Variants in DNAH7 observed in about 807,000 individuals in gnomAD.
The protein encoded by DNAH7 is axonemal beta dynein heavy chain 7.
A neutral mutation model predicts 444.6 loss-of-function variants in DNAH7; 397 were observed. The ratio of observed to expected loss-of-function variants is 0.89; its 90% CI spans 0.82 to 0.97. The LOEUF (loss-of-function observed/expected upper bound fraction) is 0.97, where lower values mean the gene tolerates loss of function less well. Ranked by LOEUF, DNAH7 falls within the 50% of genes least tolerant of loss-of-function variation. The pLI, the probability that DNAH7 is intolerant of heterozygous loss-of-function variation, is 0.00. For missense variants in DNAH7, 4,902 were observed against 4,800.8 expected, an observed-to-expected ratio of 1.02 and a Z score of -0.62; for synonymous variants, 1,636 against 1,624.4, an observed-to-expected ratio of 1.01 and a Z score of -0.17.
intron 40 of DNAH7, among the ~76,000 whole-genome samples, chr2:195,868,242 G>A (rs1037166188): frequency 6.6e-6 from 1 of 151,550 alleles, no homozygotes; most frequent in African/African-American, 2.4e-5. Flanking sequence ...GACTACAGGT[G>A]CCCGCCACCA....
chr2:195,844,856 G>T (rs1698892968), intron 47 of DNAH7, 146 bp downstream of exon 47: 1 of 624,388 alleles, frequency 1.6e-6, no homozygotes, highest in African/African-American at 1.8e-5. Context: ...ATAAGAGAAG[G>T]AAGTGATTAC....
rs146346592 is a variant in DNAH7 at position 195,781,853 on chromosome 2, G to A, written c.10879-3868C>T. On this transcript the variant is annotated intron_variant, in intron 58 of 64. Coordinates refer to ENST00000312428, the MANE Select transcript of DNAH7 (RefSeq NM_018897.3). ...TTTGAGAAAAAATTATGTGTGTATTGTGTTTATATATGTGTATCTATATAT... is the reference window on the plus strand; with the variant it reads ...TTTGAGAAAAAATTATGTGTGTATTATGTTTATATATGTGTATCTATATAT... Among the ~76,000 whole-genome samples, 828 of 152,130 alleles carry A rather than the reference G, an allele frequency of 5.4e-3. 23 individuals carry two copies. Among genetic ancestry groups the A allele is most frequent in the Admixed American group, 0.041 (623 of 15,276 alleles).
chr2:196,044,199 A>ATG (rs1219928976), intron 5 of DNAH7, among the ~76,000 whole-genome samples: 28 of 82,892 alleles, frequency 3.4e-4, no homozygotes, highest in East Asian at 1.8e-3. Context: ...TTATATATAT[A>ATG]TATATGTGTG....
At chr2:195,970,583 T>C (rs888129114) in intron 16 of DNAH7, among the ~76,000 whole-genome samples, 1 of 152,196 alleles carries the variant, frequency 6.6e-6, no homozygotes, top group African/African-American at 2.4e-5. Context: ...AGGTTATTTT[T>C]CTTGTCCAAT....
At chr2:195,833,888 G>A (rs1032354754) in intron 48 of DNAH7, among the ~76,000 whole-genome samples, 2 of 152,154 alleles carry the variant, frequency 1.3e-5, no homozygotes, top group African/African-American at 4.8e-5. Flanking sequence ...CTGAGTAGCT[G>A]GGATTACAGG....
In DNAH7 at chr2:195,857,574, A is replaced by G. The variant is rs1699783504; in HGVS notation, c.8217T>C (p.Ala2739=). 1 of 1,613,912 alleles carries G rather than the reference A, an allele frequency of 6.2e-7. No individual in the cohort carries two copies. Among genetic ancestry groups the G allele is most frequent in the South Asian group, 1.1e-5 (1 of 91,088 alleles). The change falls in exon 44 of 65, where the codon GCT becomes GCC. Residue 2739 remains alanine, a synonymous_variant. Coordinates refer to ENST00000312428, the MANE Select transcript of DNAH7 (RefSeq NM_018897.3). ...ACCTCATGTCACCAAGAAGTCTCTT[A>G]GCTGGGCCCCAGAAATCCTCAATTT... The part of the protein sequence containing the change: ...GKKIEDFWGP[A]KRLLGDMRFL...
chr2:195,975,817 G>A (rs1692151868), intron 15 of DNAH7, among the ~76,000 whole-genome samples: 1 of 152,186 alleles, frequency 6.6e-6, no homozygotes, highest in African/African-American at 2.4e-5. Context: ...TGGGCCAGAA[G>A]AAAACCCACT....
intron 15 of DNAH7, among the ~76,000 whole-genome samples, chr2:195,980,077 A>T (rs1000943281): frequency 6.6e-6 from 1 of 151,050 alleles, no homozygotes; most frequent in Admixed American, 6.6e-5. Flanking sequence ...AAAAAAAAAA[A>T]AAAAAAAAAC....
chr2:195,769,790 T>G (rs1694750723), intron 61 of DNAH7, among the ~76,000 whole-genome samples: 1 of 152,152 alleles, frequency 6.6e-6, no homozygotes, highest in Non-Finnish European at 1.5e-5. Context: ...CGAAAAATGC[T>G]CATCAGTACT....
chr2:195,891,899 C>A, intron 30 of DNAH7, 95 bp from the exon 31 acceptor site: 1 of 1,035,108 alleles, frequency 9.7e-7, no homozygotes. Context: ...AAGGAATCTA[C>A]AAAGAAAGTA....
At chr2:195,926,396 A>G (rs114374868) in intron 22 of DNAH7, 30 bp downstream of exon 22, 21 of 1,465,084 alleles carry the variant, frequency 1.4e-5, no homozygotes, top group Non-Finnish European at 1.8e-5. Flanking sequence ...AAAAATGCTT[A>G]AAAAAACCCG....
chr2:195,796,634 A>G lies in DNAH7; in HGVS notation c.10457T>C (p.Val3486Ala), dbSNP rs755938193. ...GGTGGCAAGGTGACAATTCTGAAGA[A>G]CAACCCATGTTCCTTCCTTGACAGC... ...EKAVKEGTWV[V>A]LQNCHLATSW... is the part of the protein sequence containing the mutation. The change falls in exon 56 of 65, where the codon GTT becomes GCT. Residue 3486 changes from valine to alanine, a missense_variant. Val to Ala is a moderately conservative substitution (Grantham distance 64, BLOSUM62 0). Transcript: ENST00000312428. 6 of 1,614,178 alleles carry G rather than the reference A, an allele frequency of 3.7e-6. No homozygotes were observed. In the Admixed American group the frequency reaches 1.0e-4, roughly 27 times the overall value.
intron 19 of DNAH7, among the ~76,000 whole-genome samples, chr2:195,955,311 G>A (rs1329842485): frequency 6.6e-6 from 1 of 152,076 alleles, no homozygotes; most frequent in South Asian, 2.1e-4. Context: ...TTTTTGTCAG[G>A]TTTGTCAAAG....
At chr2:195,778,667 T>G (rs13399941) in intron 58 of DNAH7, among the ~76,000 whole-genome samples, 1 of 69,618 alleles carries the variant, frequency 1.4e-5, no homozygotes, top group Non-Finnish European at 2.4e-5. Context: ...TATATATATA[T>G]ATACACACAC....
chr2:195,860,872 C>T (rs1699976402), intron 42 of DNAH7, among the ~76,000 whole-genome samples: 1 of 152,020 alleles, frequency 6.6e-6, no homozygotes, highest in Non-Finnish European at 1.5e-5. Context: ...AGTAAATTTA[C>T]ATTTGTGCTT....
intron 12 of DNAH7, chr2:195,994,214 T>C (rs959290824): frequency 2.3e-5 from 6 of 257,714 alleles, no homozygotes; most frequent in Non-Finnish European, 3.7e-5. Context: ...TAAAAAATTA[T>C]TGATTTGTAA....
At chr2:195,923,468 G>T in intron 23 of DNAH7, 127 bp downstream of exon 23, 1 of 791,250 alleles carries the variant, frequency 1.3e-6, no homozygotes, top group Admixed American at 2.4e-5. Context: ...TGCTTACTTG[G>T]GTATAGTCTG....
In DNAH7 at chr2:195,864,404, A is replaced by T; in HGVS notation, c.7251T>A (p.Asn2417Lys). The part of the protein sequence containing the change: ...SFLEDVSNLL[N>K]AGEIPNLFAL... ...CAAAGAGATTTGGAATCTCCCCAGC[A>T]TTTAGCAGATTACTGACATCTTCCA... Residue 2417 changes from asparagine to lysine, a missense_variant, in exon 41 of 65, where the codon AAT becomes AAA. Asn to Lys is a moderately conservative substitution (Grantham distance 94). Transcript: ENST00000312428. 2 of 1,614,196 alleles carry T rather than the reference A, an allele frequency of 1.2e-6. No homozygotes were observed. The highest frequency in any genetic ancestry group is 1.7e-6 in the Non-Finnish European group (2 of 1,180,040).
intron 19 of DNAH7, among the ~76,000 whole-genome samples, chr2:195,956,278 A>G (rs1268326004): frequency 6.9e-6 from 1 of 145,482 alleles, no homozygotes; most frequent in Non-Finnish European, 1.5e-5. Flanking sequence ...AGAAGTTTAT[A>G]TTCATTTAAT....
Sources: gnomAD v4.1 joint callset for allele counts (sites outside exome capture counted in the v4.1 genomes callset) on GRCh38, gnomAD v4.1.1 for gene constraint, MANE v1.5 for transcripts, NCBI Gene and HGNC (gene_info 2026-07-23, HGNC 2026-07-21) for gene names.